Variants in TGS1 observed in about 807,000 individuals in gnomAD.
The protein encoded by TGS1 is trimethylguanosine synthase.
A neutral mutation model predicts 92.2 loss-of-function variants in TGS1; 69 were observed. The observed-to-expected ratio is 0.75, with a 90% CI of 0.62 to 0.91. The LOEUF is 0.91. Among genes scored for constraint, TGS1 ranks in the 40% least tolerant of loss-of-function variants. The probability of loss-of-function intolerance (pLI) is 0.00; values close to 1 mark genes in which losing one functional copy is unlikely to be tolerated. For missense variants in TGS1, 1,062 were observed against 1,001.2 expected, an observed-to-expected ratio of 1.06 and a Z score of -0.82; for synonymous variants, 345 against 338.1, an observed-to-expected ratio of 1.02 and a Z score of -0.22.
At chr8:55,803,296 A>G (rs1014610355) in intron 9 of TGS1, among the ~76,000 whole-genome samples, 2 of 152,216 alleles carry the variant, frequency 1.3e-5, no homozygotes, top group African/African-American at 4.8e-5. Context: ...TAACTTCGCA[A>G]ATTTTGAATT....
intron 4 of TGS1, among the ~76,000 whole-genome samples, chr8:55,789,417 C>G (rs527397598): frequency 1.3e-5 from 2 of 152,214 alleles, no homozygotes; most frequent in South Asian, 4.2e-4. Flanking sequence ...GATTATGCCC[C>G]CTTTACGGTC....
chr8:55,802,641 A>AAACC (rs750395902), intron 9 of TGS1, 35 bp downstream of exon 9: 2 of 1,555,618 alleles, frequency 1.3e-6, no homozygotes, highest in African/African-American at 2.8e-5. Flanking sequence ...CTTTATTTTG[A>AAACC]AACCACTTCA....
At chr8:55,789,786 G>A (rs947646805) in intron 4 of TGS1, among the ~76,000 whole-genome samples, 1 of 152,136 alleles carries the variant, frequency 6.6e-6, no homozygotes, top group African/African-American at 2.4e-5. Flanking sequence ...AGCTGGATTG[G>A]TTACAGCCCA....
chr8:55,793,979 T>C (rs1197893032), intron 6 of TGS1, among the ~76,000 whole-genome samples: 1 of 151,978 alleles, frequency 6.6e-6, no homozygotes, highest in Non-Finnish European at 1.5e-5. Context: ...TTATACATAC[T>C]CTCCAGTTTG....
chr8:55,810,003 G>A (rs1348571823), intron 10 of TGS1, among the ~76,000 whole-genome samples: 1 of 152,178 alleles, frequency 6.6e-6, no homozygotes, highest in Non-Finnish European at 1.5e-5. Context: ...CATTATAAAT[G>A]TATGATTTTG....
In TGS1 at chr8:55,786,660, T is replaced by C. The variant is rs748724423; in HGVS notation, c.762T>C (p.Tyr254=). Residue 254 remains tyrosine, a synonymous_variant, in exon 4 of 13, where the codon TAT becomes TAC. Coordinates refer to ENST00000260129, the MANE Select transcript of TGS1 (RefSeq NM_024831.8). ...GGTATTATTTGGAACAATTTCAGTA[T>C]TGGGAAGCTCAGGGTTGGACTTTTG... is the stretch of plus-strand genomic sequence containing the variant. The part of the protein sequence containing the change: ...LYWYYLEQFQ[Y]WEAQGWTFDA... The C allele has an allele frequency of 1.9e-5, 30 of 1,614,018 alleles. 1 individual carries two copies. The South Asian group carries it at 3.0e-4, about 16-fold the overall frequency.
Position 55,773,545 on chromosome 8 carries a change from C to T in TGS1, c.-74C>T. The T allele has an allele frequency of 3.4e-6, 4 of 1,187,122 alleles. No individual in the cohort carries two copies. The highest frequency in any genetic ancestry group is 4.2e-5 in the Admixed American group (2 of 47,868). 73.5% of individuals were successfully genotyped at this position (1,187,122 alleles called of 1,614,324 possible). ...CTTGCGGGCGAGGCCTGTTTTAAGTCTCCAGTAACCGAGCGGAGGCCCGGC... is the reference window on the plus strand; with the variant it reads ...CTTGCGGGCGAGGCCTGTTTTAAGTTTCCAGTAACCGAGCGGAGGCCCGGC... On this transcript the variant is annotated 5_prime_UTR_variant, in exon 1 of 13. Coordinates refer to ENST00000260129, the MANE Select transcript of TGS1 (RefSeq NM_024831.8).
chr8:55,792,857 C>A, intron 6 of TGS1, 73 bp downstream of exon 6: 1 of 907,392 alleles, frequency 1.1e-6, no homozygotes, highest in Non-Finnish European at 1.8e-6. Context: ...CTCTGATACT[C>A]AGATAACTAA....
At chr8:55,776,670 A>G (rs541375953) in intron 1 of TGS1, among the ~76,000 whole-genome samples, 1 of 152,218 alleles carries the variant, frequency 6.6e-6, no homozygotes, top group South Asian at 2.1e-4. Context: ...CTGCTTATGG[A>G]TTTCATTTCT....
chr8:55,824,689 G>A lies in TGS1; in HGVS notation c.2548G>A (p.Ala850Thr). ...TTTTGGTGACCTAATTCGAAGACCAGCCTCTGAAACCTAACTATGCAGCAG... is the reference window on the plus strand; with the variant it reads ...TTTTGGTGACCTAATTCGAAGACCAACCTCTGAAACCTAACTATGCAGCAG... ...AYFGDLIRRP[A>T]SET Residue 850 changes from alanine to threonine, a missense_variant, in exon 13 of 13, where the codon GCC (alanine) becomes ACC (threonine). Transcript: ENST00000260129. The A allele has an allele frequency of 6.2e-7, 1 of 1,614,158 alleles. No individual in the cohort carries two copies. The highest frequency in any genetic ancestry group is 8.5e-7 in the Non-Finnish European group (1 of 1,180,020).
chr8:55,774,280 G>C (rs1811314688), intron 1 of TGS1, among the ~76,000 whole-genome samples: 1 of 152,162 alleles, frequency 6.6e-6, no homozygotes, highest in Non-Finnish European at 1.5e-5. Context: ...ATACCGCCAA[G>C]AGACTTGAAT....
intron 11 of TGS1, among the ~76,000 whole-genome samples, chr8:55,811,802 T>C (rs1490107629): frequency 6.6e-6 from 1 of 152,028 alleles, no homozygotes; most frequent in Non-Finnish European, 1.5e-5. Context: ...AGAGGGAGTA[T>C]TACCTAACAG....
intron 4 of TGS1, among the ~76,000 whole-genome samples, chr8:55,787,371 A>AATTT (rs1811749448): frequency 1.3e-5 from 2 of 152,234 alleles, no homozygotes; most frequent in African/African-American, 4.8e-5. Context: ...ACAGCAAATG[A>AATTT]ATTTATAAGA....
At chr8:55,795,929 T>C in intron 6 of TGS1, 49 bp from the exon 7 acceptor site, 1 of 1,402,896 alleles carries the variant, frequency 7.1e-7, no homozygotes, top group Non-Finnish European at 1.0e-6. Flanking sequence ...TATAAGGAAA[T>C]ATAATCCTAG....
intron 12 of TGS1, among the ~76,000 whole-genome samples, chr8:55,815,028 T>C (rs1181280187): frequency 6.6e-6 from 1 of 152,144 alleles, no homozygotes; most frequent in Non-Finnish European, 1.5e-5. Flanking sequence ...TATTATGCTC[T>C]ACATCGTCTC....
At chr8:55,809,698 G>C (rs979118759) in intron 10 of TGS1, among the ~76,000 whole-genome samples, 20 of 152,146 alleles carry the variant, frequency 1.3e-4, no homozygotes, top group East Asian at 7.7e-4. Context: ...GCCTCCCAAA[G>C]TGCTGGGATT....
intron 12 of TGS1, among the ~76,000 whole-genome samples, chr8:55,819,458 G>A (rs1035039362): frequency 4.0e-5 from 6 of 151,410 alleles, no homozygotes; most frequent in Admixed American, 1.3e-4. Flanking sequence ...CACTATGCCC[G>A]GCTAATTTTT....
At chr8:55,791,443 A>T (rs894765579) in intron 5 of TGS1, among the ~76,000 whole-genome samples, 1 of 152,206 alleles carries the variant, frequency 6.6e-6, no homozygotes, top group Non-Finnish European at 1.5e-5. Flanking sequence ...CTCAGTTTAC[A>T]AGTTTATCTC....
At chr8:55,802,313 T>C in intron 8 of TGS1, 144 bp from the exon 9 acceptor site, 1 of 631,558 alleles carries the variant, frequency 1.6e-6, no homozygotes, top group Non-Finnish European at 2.7e-6. Flanking sequence ...GGCGTTTCCA[T>C]CAGGCTCTCC....
Sources: allele counts gnomAD v4.1 joint callset (sites outside exome capture counted in the v4.1 genomes callset), GRCh38; gene constraint gnomAD v4.1.1; transcripts MANE v1.5; gene names NCBI Gene and HGNC (gene_info 2026-07-23, HGNC 2026-07-21).